The following ACSM3 variants were observed in gnomAD, a reference collection of about 807,000 sequenced individuals.
The protein encoded by ACSM3 is acyl-coenzyme A synthetase ACSM3, mitochondrial.
A neutral mutation model predicts 74.1 loss-of-function variants in ACSM3; 61 were observed. The observed-to-expected ratio is 0.82, with a 90% confidence interval of 0.67 to 1.02. The LOEUF is 1.02. Ranked by LOEUF, ACSM3 falls within the 50% of genes least tolerant of loss-of-function variation. The pLI is 0.00. For missense variants in ACSM3, 660 were observed against 697.0 expected, an observed-to-expected ratio of 0.95 and a Z score of 0.60; for synonymous variants, 213 against 241.5, an observed-to-expected ratio of 0.88 and a Z score of 1.09.
At chr16:20,699,687 G>A (rs1319106206) in intron 1 of ACSM3, among the ~76,000 whole-genome samples, 1 of 152,160 alleles carries the variant, frequency 6.6e-6, no homozygotes, top group Non-Finnish European at 1.5e-5. Flanking sequence ...CTCTGCATCT[G>A]AGTAGTTCTC....
Position 20,792,216 on chromosome 16 carries a change from C to A in ACSM3, c.1455-20C>A, listed in dbSNP as rs1352114573. On this transcript the variant is annotated intron_variant, in intron 11 of 13. Coordinates refer to ENST00000289416, the MANE Select transcript of ACSM3 (RefSeq NM_005622.4). ...AACCTGCCACTCACCTGTATGTATTCCTGCCATATGTGTTTCTAGCTATCG... is the reference window on the plus strand; with the variant it reads ...AACCTGCCACTCACCTGTATGTATTACTGCCATATGTGTTTCTAGCTATCG... 2 of 1,613,968 alleles carry A rather than the reference C, an allele frequency of 1.2e-6. No homozygotes were observed. The highest frequency in any genetic ancestry group is 1.7e-5 in the Admixed American group (1 of 60,022).
At chr16:20,709,351 ACACT>A (rs1454304692) in intron 1 of ACSM3, among the ~76,000 whole-genome samples, 1 of 152,270 alleles carries the variant, frequency 6.6e-6, no homozygotes, top group African/African-American at 2.4e-5. Context: ...TTAACATAAA[ACACT>A]CAATTAAATG....
chr16:20,744,874 C>G (rs1466945017), intron 1 of ACSM3, among the ~76,000 whole-genome samples: 1 of 152,196 alleles, frequency 6.6e-6, no homozygotes, highest in Non-Finnish European at 1.5e-5. Flanking sequence ...AGAATCCTTC[C>G]TTGTGCAATT....
chr16:20,792,312 A>G lies in ACSM3; in HGVS notation c.1531A>G (p.Ser511Gly), dbSNP rs1174055430. ...AGTTGCAGAGTCAGCTGTTGTCAGCAGCCCAGACCCCATCAGAGGAGAGGT... is the reference window on the plus strand; with the variant it reads ...AGTTGCAGAGTCAGCTGTTGTCAGCGGCCCAGACCCCATCAGAGGAGAGGT... ...PSVAESAVVS[S>G]PDPIRGEVVK... The change falls in exon 12 of 14, where the codon AGC becomes GGC. Residue 511 changes from serine to glycine, a missense_variant. By Grantham distance (56) the Ser-to-Gly change is moderately conservative. Coordinates refer to ENST00000289416, the MANE Select transcript of ACSM3 (RefSeq NM_005622.4). 1.2e-6 allele frequency: 2 copies of G among 1,614,110 alleles called. No individual in the cohort carries two copies. The highest frequency in any genetic ancestry group is 1.7e-6 in the Non-Finnish European group (2 of 1,179,938).
chr16:20,780,479 G>T, intron 4 of ACSM3: 1 of 749,398 alleles, frequency 1.3e-6, no homozygotes, highest in Non-Finnish European at 2.1e-6. Flanking sequence ...AGAATAAAAA[G>T]CTAGGAAAGC....
intron 1 of ACSM3, chr16:20,736,855 C>T (rs754119532): frequency 6.2e-7 from 1 of 1,605,070 alleles, no homozygotes; most frequent in Non-Finnish European, 8.5e-7. Flanking sequence ...AGGTGAGAAA[C>T]CCACCTCCAA....
chr16:20,781,049 T>C lies in ACSM3; in HGVS notation c.858T>C (p.Ser286=), dbSNP rs2152468447. ...SDTGWAKSAW[S]SVFSPWIQGA... is the part of the protein sequence containing the mutation. ...CGGGCTGGGCAAAGTCTGCATGGAG[T>C]AGTGTTTTTTCTCCGTGGATCCAGG... Residue 286 remains serine, a synonymous_variant, in exon 6 of 14, where the codon AGT becomes AGC. Transcript: ENST00000289416. The C allele has an allele frequency of 6.2e-7, 1 of 1,614,036 alleles. No homozygotes were observed. Among genetic ancestry groups the C allele is most frequent in the Non-Finnish European group, 8.5e-7 (1 of 1,179,992 alleles).
At chr16:20,685,260 G>A (rs1188415846) in intron 1 of ACSM3, 3 of 1,614,072 alleles carry the variant, frequency 1.9e-6, no homozygotes, top group South Asian at 1.1e-5. Flanking sequence ...AGGCCAGATG[G>A]TCTCCCTGTT....
chr16:20,753,974 G>A (rs1001381217), intron 2 of ACSM3, among the ~76,000 whole-genome samples: 7 of 152,170 alleles, frequency 4.6e-5, no homozygotes, highest in Non-Finnish European at 8.8e-5. Context: ...GAATAACTGA[G>A]GGAGTAATAT....
intron 1 of ACSM3, among the ~76,000 whole-genome samples, chr16:20,699,082 T>C (rs2079705269): frequency 6.6e-6 from 1 of 152,166 alleles, no homozygotes; most frequent in Non-Finnish European, 1.5e-5. Flanking sequence ...AGCTCTTGGG[T>C]GAACCATTTT....
chr16:20,796,698 AG>A, intron 13 of ACSM3, 187 bp from the exon 14 acceptor site: 1 of 1,480,832 alleles, frequency 6.8e-7, no homozygotes, highest in Non-Finnish European at 8.9e-7. Context: ...CTGGACTCAC[AG>A]TAAATACTTA....
intron 1 of ACSM3, among the ~76,000 whole-genome samples, chr16:20,723,891 C>A (rs2079795344): frequency 6.6e-6 from 1 of 152,170 alleles, no homozygotes; most frequent in African/African-American, 2.4e-5. Context: ...TTAATTAGAT[C>A]CCATTTGTCA....
rs188422663 is a variant in ACSM3 at position 20,775,923 on chromosome 16, T to A, written c.304T>A (p.Ser102Thr). 3 of 1,614,200 alleles carry A rather than the reference T, an allele frequency of 1.9e-6. No homozygotes were observed. The highest frequency in any genetic ancestry group is 2.5e-6 in the Non-Finnish European group (3 of 1,180,036). ...EMRWSFEELGSLSRKFANILS... is the reference protein window; with the variant it reads ...EMRWSFEELGTLSRKFANILS... Reference sequence around the variant, plus strand: ...GCGATGGAGTTTTGAGGAACTGGGATCTCTGTCCAGAAAATTTGCCAATAT... The same window carrying A: ...GCGATGGAGTTTTGAGGAACTGGGAACTCTGTCCAGAAAATTTGCCAATAT... Residue 102 changes from serine to threonine, a missense_variant, in exon 3 of 14, where the codon TCT becomes ACT. Ser to Thr is a moderately conservative substitution (Grantham distance 58). Transcript: ENST00000289416.
At chr16:20,689,209 A>T (rs1455338857) in intron 1 of ACSM3, among the ~76,000 whole-genome samples, 1 of 151,958 alleles carries the variant, frequency 6.6e-6, no homozygotes, top group African/African-American at 2.4e-5. Flanking sequence ...GTATGTGATT[A>T]AAATTAAGTT....
intron 1 of ACSM3, among the ~76,000 whole-genome samples, chr16:20,699,098 C>T (rs1163702294): frequency 2.0e-5 from 3 of 152,108 alleles, no homozygotes; most frequent in Non-Finnish European, 2.9e-5. Flanking sequence ...ATTTTCCTTT[C>T]AAAGCTTGGT....
At position 20,797,383 on chromosome 16, in the gene ACSM3, T is replaced by A. The variant is rs1596547253; in HGVS notation, c.*411T>A. 1.0e-6 allele frequency: 1 copy of A among 985,872 alleles called. No individual in the cohort carries two copies. Among genetic ancestry groups the A allele is most frequent in the East Asian group, 9.7e-5 (1 of 10,316 alleles). The allele number at this position is 985,872 out of a possible 1,614,324, so 61.1% of individuals were successfully genotyped here. A position where few individuals can be genotyped will look rare whatever the true frequency, so the allele number is the denominator to read the frequency against. ...ACTTATAAAAGTTTTTAGAAAAATA[T>A]AAAATATCAGTTAGAAGATTATGAT... On this transcript the variant is annotated 3_prime_UTR_variant, in exon 14 of 14. Coordinates refer to ENST00000289416, the MANE Select transcript of ACSM3 (RefSeq NM_005622.4).
At chr16:20,711,597 A>C in intron 1 of ACSM3, 1 of 1,263,302 alleles carries the variant, frequency 7.9e-7, no homozygotes, top group Non-Finnish European at 1.1e-6. Context: ...AGTCCATTGC[A>C]CTGGAGTGTC....
At chr16:20,698,468 T>C (rs552726891) in intron 1 of ACSM3, among the ~76,000 whole-genome samples, 18 of 152,190 alleles carry the variant, frequency 1.2e-4, no homozygotes, top group African/African-American at 4.3e-4. Flanking sequence ...CTCCATGTCA[T>C]CTTTGTGGAC....
intron 12 of ACSM3, among the ~76,000 whole-genome samples, chr16:20,793,598 A>G (rs918732233): frequency 2.6e-5 from 4 of 152,234 alleles, no homozygotes; most frequent in Admixed American, 6.5e-5. Flanking sequence ...TACCCTGTTA[A>G]GTCCTCCTGG....
Sources: allele counts gnomAD v4.1 joint callset (sites outside exome capture counted in the v4.1 genomes callset), GRCh38; gene constraint gnomAD v4.1.1; transcripts MANE v1.5; gene names NCBI Gene and HGNC (gene_info 2026-07-23, HGNC 2026-07-21).